PUM2: variants seen among roughly 807,000 people sequenced by gnomAD.
PUM2 encodes pumilio homolog 2.
A neutral mutation model predicts 124.5 loss-of-function variants in PUM2; 57 were observed. The observed-to-expected ratio is 0.46, with a 90% confidence interval of 0.37 to 0.57. The LOEUF (loss-of-function observed/expected upper bound fraction) is 0.57, where lower values mean the gene tolerates loss of function less well. PUM2 is among the 20% of genes least tolerant of loss of function. The pLI, the probability that PUM2 is intolerant of heterozygous loss-of-function variation, is 0.00. For missense variants in PUM2, 1,065 were observed against 1,290.6 expected, an observed-to-expected ratio of 0.83 and a Z score of 2.68; for synonymous variants, 460 against 446.1, an observed-to-expected ratio of 1.03 and a Z score of -0.39.
intron 5 of PUM2, 99 bp downstream of exon 5, chr2:20,311,394 AT>A: frequency 1.5e-6 from 2 of 1,314,722 alleles, no homozygotes; most frequent in Non-Finnish European, 2.0e-6. Context: ...TTCAAAGGAA[AT>A]AAACCTAAAT....
At chr2:20,252,370 C>T (rs1663629137) in intron 20 of PUM2, among the ~76,000 whole-genome samples, 1 of 152,150 alleles carries the variant, frequency 6.6e-6, no homozygotes, top group Admixed American at 6.6e-5. Flanking sequence ...GAGATTACAC[C>T]ACTGCACTCC....
In PUM2 at chr2:20,312,392, C is replaced by T; in HGVS notation, c.192G>A (p.Gln64=). Residue 64 remains glutamine (Q), a synonymous_variant, in exon 4 of 21, where the codon CAG becomes CAA. Transcript: ENST00000361078. ...HHSMSQPIMV[Q]RRSGQGFHGN... Reference sequence around the variant, plus strand: ...CATGAAAACCCTGTCCAGATCTTCTCTGTACCATAATAGGCTGGGACATTG... The same window carrying T: ...CATGAAAACCCTGTCCAGATCTTCTTTGTACCATAATAGGCTGGGACATTG... 6.2e-7 allele frequency: 1 copy of T among 1,613,726 alleles called. No homozygotes were observed. Among genetic ancestry groups the T allele is most frequent in the East Asian group, 2.2e-5 (1 of 44,844 alleles).
chr2:20,269,203 AATTATT>A (rs1232492215), intron 13 of PUM2, among the ~76,000 whole-genome samples: 1 of 151,434 alleles, frequency 6.6e-6, no homozygotes, highest in East Asian at 1.9e-4. Flanking sequence ...TAATAATAAT[AATTATT>A]ATTATTTTTG....
Position 20,251,565 on chromosome 2 carries a change from C to G in PUM2, c.*20G>C. On this transcript the variant is annotated 3_prime_UTR_variant, in exon 21 of 21. Transcript: ENST00000361078. ...TCTTTTCACATGGTTAAATTATCTT[C>G]TTTCTCTTGCTCCTGTAATTTACAG... The G allele has an allele frequency of 1.2e-6, 2 of 1,600,432 alleles. No homozygotes were observed. Among genetic ancestry groups the G allele is most frequent in the Non-Finnish European group, 1.7e-6 (2 of 1,172,458 alleles).
At chr2:20,295,413 G>A (rs917826634) in intron 8 of PUM2, among the ~76,000 whole-genome samples, 1 of 151,896 alleles carries the variant, frequency 6.6e-6, no homozygotes, top group African/African-American at 2.4e-5. Flanking sequence ...TGCATTCAAA[G>A]GGGAAAAAAG....
At chr2:20,335,309 C>A (rs1685771937) in intron 1 of PUM2, among the ~76,000 whole-genome samples, 1 of 152,236 alleles carries the variant, frequency 6.6e-6, no homozygotes. Flanking sequence ...AGAATACTTT[C>A]TTCTGCTCAG....
chr2:20,348,220 A>G (rs1455122747), intron 1 of PUM2, among the ~76,000 whole-genome samples: 1 of 152,070 alleles, frequency 6.6e-6, no homozygotes, highest in Non-Finnish European at 1.5e-5. Context: ...TTAATATGCC[A>G]CAGACCAATT....
intron 5 of PUM2, among the ~76,000 whole-genome samples, chr2:20,309,178 T>C (rs1358258784): frequency 2.0e-5 from 3 of 152,170 alleles, no homozygotes; most frequent in Non-Finnish European, 4.4e-5. Flanking sequence ...CTTTGTCTTT[T>C]AAATATGATT....
Position 20,251,431 on chromosome 2 carries a change from C to A in PUM2, c.*154G>T. 3.1e-6 allele frequency: 3 copies of A among 967,308 alleles called. No individual in the cohort carries two copies. The highest frequency in any genetic ancestry group is 1.9e-5 in the South Asian group (1 of 52,608). 59.9% of individuals were successfully genotyped at this position (967,308 alleles called of 1,614,324 possible). A position where few individuals can be genotyped will look rare whatever the true frequency, so the allele number is the denominator to read the frequency against. ...CCACCCCCCAAATATACACAAGAAC[C>A]TTAAAAAATTTACAAATGGATGAAT... On this transcript the variant is annotated 3_prime_UTR_variant, in exon 21 of 21. Coordinates refer to ENST00000361078, the MANE Select transcript of PUM2 (RefSeq NM_015317.5).
At chr2:20,262,136 GA>G (rs1453936121) in intron 14 of PUM2, among the ~76,000 whole-genome samples, 1 of 152,070 alleles carries the variant, frequency 6.6e-6, no homozygotes, top group African/African-American at 2.4e-5. Flanking sequence ...TATTATTGAA[GA>G]AAAAAAGTTT....
In PUM2 at chr2:20,312,240, T is replaced by C; in HGVS notation, c.344A>G (p.Asn115Ser). 1 of 1,588,290 alleles carries C rather than the reference T, an allele frequency of 6.3e-7. No homozygotes were observed. Among genetic ancestry groups the C allele is most frequent in the Non-Finnish European group, 8.6e-7 (1 of 1,162,228 alleles). Reference sequence around the variant, plus strand: ...TTCTTTATTCAAAATACTTACAAAATTTCCCTTCCTAAATCGAGAATCCAA... The same window carrying C: ...TTCTTTATTCAAAATACTTACAAAACTTCCCTTCCTAAATCGAGAATCCAA... ...DKLDSRFRKG[N>S]FGTRDAETDG... Residue 115 changes from asparagine to serine, a missense_variant, in exon 4 of 21, where the codon AAT becomes AGT. Asn to Ser is a conservative substitution (Grantham distance 46). This residue lies in a region of PUM2 where 968 missense variants were observed against 1,159.8 expected (regional missense o/e 0.83). Transcript: ENST00000361078.
At chr2:20,350,456 C>T in intron 1 of PUM2, 141 bp downstream of exon 1, 1 of 982,116 alleles carries the variant, frequency 1.0e-6, no homozygotes, top group Non-Finnish European at 1.2e-6. Context: ...GGCCCCAGGC[C>T]GCACCGGCCC....
Position 20,273,047 on chromosome 2 carries a change from CTACCTTTTGATCCTTAGGG to C in PUM2, c.1957+5517_1957+5535del, listed in dbSNP as rs1669401457. 2.0e-5 allele frequency among the ~76,000 whole-genome samples: 3 copies of C among 152,316 alleles called. No homozygotes were observed. In the South Asian group the frequency reaches 6.2e-4, roughly 32 times the overall value. On this transcript the variant is annotated intron_variant, in intron 13 of 20. Coordinates refer to ENST00000361078, the MANE Select transcript of PUM2 (RefSeq NM_015317.5). ...AGCACATCTGCCTGTATTTTAAAGGCTACCTTTTGATCCTTAGGGTACCTTATAAGCATGGTGGGATGGT... is the reference window on the plus strand; with the variant it reads ...AGCACATCTGCCTGTATTTTAAAGGCTACCTTATAAGCATGGTGGGATGGT...
chr2:20,351,884 A>T (rs1437691218), upstream of PUM2, among the ~76,000 whole-genome samples: 1 of 152,230 alleles, frequency 6.6e-6, no homozygotes, highest in Non-Finnish European at 1.5e-5. Context: ...TGTTGAATAC[A>T]CATGGGCTCT....
intron 7 of PUM2, among the ~76,000 whole-genome samples, chr2:20,302,890 G>C (rs558843406): frequency 1.6e-4 from 24 of 152,300 alleles, no homozygotes; most frequent in African/African-American, 5.8e-4. Context: ...ACTGCAGTCT[G>C]TGCAGAACAA....
intron 1 of PUM2, among the ~76,000 whole-genome samples, chr2:20,336,680 T>TA (rs1686099834): frequency 1.1e-5 from 1 of 90,974 alleles, no homozygotes; most frequent in Non-Finnish European, 2.2e-5. Flanking sequence ...GCCTGGCTAA[T>TA]TTGTGTGTGT....
intron 5 of PUM2, among the ~76,000 whole-genome samples, chr2:20,308,858 C>T (rs1218024851): frequency 6.6e-6 from 1 of 152,084 alleles, no homozygotes; most frequent in Non-Finnish European, 1.5e-5. Flanking sequence ...ATTAGAAAAA[C>T]TGGCCAGTAT....
At chr2:20,259,434 C>T (rs750096812) in intron 15 of PUM2, among the ~76,000 whole-genome samples, 4 of 152,186 alleles carry the variant, frequency 2.6e-5, no homozygotes, top group Non-Finnish European at 5.9e-5. Flanking sequence ...TAAATGGTAA[C>T]TTTCTAAACC....
chr2:20,255,101 A>G (rs912768229), intron 18 of PUM2, 115 bp downstream of exon 18: 20 of 1,465,556 alleles, frequency 1.4e-5, no homozygotes, highest in Non-Finnish European at 1.7e-5. Flanking sequence ...AGAATACAAC[A>G]GCCTTTTGTC....
Sources: gnomAD v4.1 joint callset for allele counts (sites outside exome capture counted in the v4.1 genomes callset) on GRCh38, gnomAD v4.1.1 for gene constraint, gnomAD v4.1.1 regional missense constraint, MANE v1.5 for transcripts, NCBI Gene and HGNC (gene_info 2026-07-23, HGNC 2026-07-21) for gene names.